NME6: variants seen among roughly 807,000 people sequenced by gnomAD.
NME6 encodes NME/NM23 nucleoside diphosphate kinase 6.
NME6 carries 16 observed loss-of-function variants against 22.2 expected under a neutral mutation model. The observed-to-expected ratio is 0.72, with a 90% CI of 0.49 to 1.09. The LOEUF is 1.09. Ranked by LOEUF, NME6 falls within the 50% of genes least tolerant of loss-of-function variation. The pLI, the probability that NME6 is intolerant of heterozygous loss-of-function variation, is 0.00. For synonymous variants in NME6, 58 were observed against 85.2 expected (o/e 0.68, Z 1.76); for missense variants, 229 against 239.0 (o/e 0.96, Z 0.28).
intron 2 of NME6, among the ~76,000 whole-genome samples, chr3:48,297,298 T>C (rs2035219623): frequency 1.3e-5 from 2 of 152,220 alleles, no homozygotes; most frequent in African/African-American, 2.4e-5. Context: ...TTCTCTAGTC[T>C]CACCATCGCA....
At chr3:48,291,123 C>G (rs1343955029), downstream of NME6, 2 of 296,006 alleles carry the variant, frequency 6.8e-6, no homozygotes, top group Non-Finnish European at 1.3e-5. Flanking sequence ...TCACTGATTG[C>G]AGTATGTCTT....
intron 3 of NME6, among the ~76,000 whole-genome samples, chr3:48,296,490 T>C (rs2035119524): frequency 6.6e-6 from 1 of 152,204 alleles, no homozygotes; most frequent in Admixed American, 6.5e-5. Context: ...ATATGTTAAC[T>C]ACTGATATTA....
chr3:48,288,754 T>C (rs1289808874), downstream of NME6: 4 of 151,902 alleles, frequency 2.6e-5, no homozygotes, highest in Non-Finnish European at 5.9e-5. Flanking sequence ...ATGAAGAGCA[T>C]GATACACTGC....
At chr3:48,297,755 T>C (rs1231384522) in intron 2 of NME6, 1 of 153,018 alleles carries the variant, frequency 6.5e-6, no homozygotes, top group Non-Finnish European at 1.5e-5. Flanking sequence ...TTGTGAAGGC[T>C]TCTCAATGCC....
chr3:48,296,825 A>G lies in NME6; in HGVS notation c.95T>C (p.Val32Ala), dbSNP rs1216860307. 1.9e-6 allele frequency: 3 copies of G among 1,611,210 alleles called. No homozygotes were observed. Among genetic ancestry groups the G allele is most frequent in the Admixed American group, 3.3e-5 (2 of 59,876 alleles). Residue 32 changes from valine to alanine, a missense_variant, in exon 3 of 6, where the codon GTT becomes GCT. Val to Ala is a moderately conservative substitution (Grantham distance 64). Coordinates refer to ENST00000442597, the MANE Select transcript of NME6 (RefSeq NM_001308426.2). ...AVAHPLILEA[V>A]HQQILSNKFL... The stretch of plus-strand genomic sequence containing the variant: ...CTTGTTGCTTAGAATCTGCTGATGA[A>G]CAGCCTGAATAAAGACCATCCCCAA...
rs2034591681 is a variant in NME6, at chr3:48,292,443, T to G, written c.*2194A>C. 6.6e-6 allele frequency: 1 copy of G among 152,240 alleles called. No individual in the cohort carries two copies. The highest frequency in any genetic ancestry group is 2.4e-5 in the African/African-American group (1 of 41,466). 9.4% of individuals were successfully genotyped at this position (152,240 alleles called of 1,614,324 possible). On this transcript the variant is annotated 3_prime_UTR_variant, in exon 6 of 6. Coordinates refer to ENST00000442597, the MANE Select transcript of NME6 (RefSeq NM_001308426.2). Reference sequence around the variant, plus strand: ...TCTTGTGGGTGTCTTAATTGTCAGATTTTGTACGCTTTGACCACCATTTAA... The same window carrying G: ...TCTTGTGGGTGTCTTAATTGTCAGAGTTTGTACGCTTTGACCACCATTTAA...
At chr3:48,288,684 A>C (rs2034282749), downstream of NME6, 1 of 149,148 alleles carries the variant, frequency 6.7e-6, no homozygotes, top group African/African-American at 2.6e-5. Flanking sequence ...GCTGCACTTG[A>C]CCAGTCTTTA....
chr3:48,300,276 C>T (rs1200208951), intron 1 of NME6: 5 of 456,764 alleles, frequency 1.1e-5, no homozygotes, highest in East Asian at 1.4e-4. Context: ...TCCCCACGTA[C>T]CTCTCTAGCC....
intron 1 of NME6, chr3:48,300,187 C>T: frequency 2.2e-6 from 1 of 455,488 alleles, no homozygotes; most frequent in Non-Finnish European, 4.4e-6. Context: ...CCTCCTTAAC[C>T]CTTTAAAGGG....
At chr3:48,301,144 C>T in intron 1 of NME6, 2 of 919,442 alleles carry the variant, frequency 2.2e-6, no homozygotes, top group Non-Finnish European at 3.2e-6. Flanking sequence ...AGCCCTGGTC[C>T]ACCCACGCGC....
intron 1 of NME6, among the ~76,000 whole-genome samples, chr3:48,299,673 GA>G (rs1254260476): frequency 2.0e-5 from 3 of 152,102 alleles, no homozygotes; most frequent in Admixed American, 6.5e-5. Flanking sequence ...ACAGAGTCTA[GA>G]CAACATTCTC....
chr3:48,295,632 C>G (rs1386264102), intron 4 of NME6: 2 of 240,998 alleles, frequency 8.3e-6, no homozygotes, highest in Non-Finnish European at 1.6e-5. Flanking sequence ...ACCTCTGCTT[C>G]CTGAATTCAA....
At chr3:48,292,163 C>T (rs2034556857), downstream of NME6, 1 of 152,284 alleles carries the variant, frequency 6.6e-6, no homozygotes, top group Non-Finnish European at 1.5e-5. Context: ...ATAATTCAGT[C>T]CATAGCACTT....
In NME6 at chr3:48,295,225, G is replaced by T; in HGVS notation, c.244C>A (p.Arg82=). 6.2e-7 allele frequency: 1 copy of T among 1,613,188 alleles called. No individual in the cohort carries two copies. The highest frequency in any genetic ancestry group is 8.5e-7 in the Non-Finnish European group (1 of 1,179,442). The part of the protein sequence containing the change: ...LVEFMASGPI[R]AYILAHKDAI... ...TCCTTGTGGGCAAGGATGTAGGCTC[G>T]GATTGGCCCGCTGTGAACAAAACAA... Residue 82 remains arginine (R), a synonymous_variant, in exon 5 of 6, where the codon CGA becomes AGA. Coordinates refer to ENST00000442597, the MANE Select transcript of NME6 (RefSeq NM_001308426.2).
chr3:48,300,478 G>A (rs2035575527), intron 1 of NME6: 1 of 390,174 alleles, frequency 2.6e-6, no homozygotes, highest in Non-Finnish European at 5.0e-6. Context: ...ACAGCTCCTT[G>A]CAAGTTCCCT....
chr3:48,296,148 G>GA lies in NME6; in HGVS notation c.203dup (p.Tyr69LeufsTer55), dbSNP rs1366276132. On this transcript the variant is annotated frameshift_variant, in exon 4 of 6. Transcript: ENST00000442597. LOFTEE classifies it high-confidence loss of function. The stretch of plus-strand genomic sequence containing the variant: ...CCATGAACTCCACCAGCCTCTGATA[G>GA]AAAAAACGCCCTGCAAAGAGAGAGG... 5 of 1,614,080 alleles carry GA rather than the reference G, an allele frequency of 3.1e-6. No individual in the cohort carries two copies. Among genetic ancestry groups the GA allele is most frequent in the South Asian group, 1.1e-5 (1 of 91,084 alleles).
At position 48,293,852 on chromosome 3, in the gene NME6, C is replaced by G. The variant is rs1299711413; in HGVS notation, c.*785G>C. On this transcript the variant is annotated 3_prime_UTR_variant, in exon 6 of 6. Coordinates refer to ENST00000442597, the MANE Select transcript of NME6 (RefSeq NM_001308426.2). Reference sequence around the variant, plus strand: ...GATAAAGGAGATGAAGAAAAACACACAGAAGGAGAAAACCAAGGGTGTGGG... The same window carrying G: ...GATAAAGGAGATGAAGAAAAACACAGAGAAGGAGAAAACCAAGGGTGTGGG... 1.3e-5 allele frequency: 2 copies of G among 152,140 alleles called. No homozygotes were observed. Among genetic ancestry groups the G allele is most frequent in the African/African-American group, 4.8e-5 (2 of 41,426 alleles). The allele number at this position is 152,140 out of a possible 1,614,324, so 9.4% of individuals were successfully genotyped here. A position where few individuals can be genotyped will look rare whatever the true frequency, so the allele number is the denominator to read the frequency against.
rs2034604909 is a variant in NME6, at chr3:48,292,550, A to C, written c.*2087T>G. On this transcript the variant is annotated 3_prime_UTR_variant, in exon 6 of 6. Coordinates refer to ENST00000442597, the MANE Select transcript of NME6 (RefSeq NM_001308426.2). ...GACAGATTTTGTTCCAGACTATTTC[A>C]AGGATTTTTTTTTTCTTGAGATGGA... 1 of 151,982 alleles carries C rather than the reference A, an allele frequency of 6.6e-6. No individual in the cohort carries two copies. The highest frequency in any genetic ancestry group is 1.5e-5 in the Non-Finnish European group (1 of 67,992). The allele number at this position is 151,982 out of a possible 1,614,324, so 9.4% of individuals were successfully genotyped here. A position where few individuals can be genotyped will look rare whatever the true frequency, so the allele number is the denominator to read the frequency against.
At chr3:48,296,181 T>A (rs1396425830) in intron 3 of NME6, 23 bp from the exon 4 acceptor site, 1 of 1,614,142 alleles carries the variant, frequency 6.2e-7, no homozygotes, top group Non-Finnish European at 8.5e-7. Context: ...AGGACCTTCA[T>A]CAAGATACCT....
Sources: allele counts gnomAD v4.1 joint callset (sites outside exome capture counted in the v4.1 genomes callset), GRCh38; gene constraint gnomAD v4.1.1; transcripts MANE v1.5; gene names NCBI Gene and HGNC (gene_info 2026-07-23, HGNC 2026-07-21).